The following ABLIM1 variants were observed in gnomAD, a reference collection of about 807,000 sequenced individuals.
The protein encoded by ABLIM1 is actin-binding LIM protein 1.
In ABLIM1, 40 loss-of-function variants were observed where a neutral mutation model predicts 107.0. The ratio of observed to expected loss-of-function variants is 0.37; its 90% CI spans 0.29 to 0.49. The LOEUF (loss-of-function observed/expected upper bound fraction) is 0.49. Among genes scored for constraint, ABLIM1 ranks in the 20% least tolerant of loss-of-function variants. The pLI, the probability that ABLIM1 is intolerant of heterozygous loss-of-function variation, is 0.97. For missense variants in ABLIM1, 857 were observed against 1,008.5 expected (o/e 0.85, Z 2.04); for synonymous variants, 357 against 357.3 (o/e 1.00, Z 0.01).
At chr10:114,722,317 G>C (rs1176875667) in intron 1 of ABLIM1, among the ~76,000 whole-genome samples, 2 of 152,074 alleles carry the variant, frequency 1.3e-5, no homozygotes, top group Non-Finnish European at 2.9e-5. Flanking sequence ...AGAAGGGGGA[G>C]GTGCTGCACA....
chr10:114,606,862 G>A (rs996117033), intron 1 of ABLIM1, among the ~76,000 whole-genome samples: 9 of 152,198 alleles, frequency 5.9e-5, no homozygotes, highest in Non-Finnish European at 1.3e-4. Context: ...GTCACCTAGT[G>A]CAGTGACTTC....
chr10:114,488,781 C>A (rs1356690738), intron 7 of ABLIM1, among the ~76,000 whole-genome samples: 3 of 152,122 alleles, frequency 2.0e-5, no homozygotes, highest in African/African-American at 7.2e-5. Context: ...GAATCCAATG[C>A]CTGCTCATAT....
At chr10:114,694,908 C>A (rs1320877320) in intron 1 of ABLIM1, among the ~76,000 whole-genome samples, 1 of 152,108 alleles carries the variant, frequency 6.6e-6, no homozygotes, top group African/African-American at 2.4e-5. Flanking sequence ...GACATTGAGC[C>A]GCAGCAGCGC....
At chr10:114,574,147 A>C (rs992843609) in intron 3 of ABLIM1, among the ~76,000 whole-genome samples, 12 of 152,208 alleles carry the variant, frequency 7.9e-5, no homozygotes, top group African/African-American at 2.7e-4. Context: ...TCTGGCTTAG[A>C]AACATACAAT....
At chr10:114,499,660 C>G (rs190206449) in intron 6 of ABLIM1, among the ~76,000 whole-genome samples, 9 of 152,234 alleles carry the variant, frequency 5.9e-5, no homozygotes. Flanking sequence ...TGCAGATCAC[C>G]ATGAGATGGG....
At chr10:114,608,805 A>G (rs1212609111) in intron 1 of ABLIM1, among the ~76,000 whole-genome samples, 1 of 152,010 alleles carries the variant, frequency 6.6e-6, no homozygotes, top group African/African-American at 2.4e-5. Context: ...AACTGAGGTC[A>G]GGAGTTCCAG....
intron 1 of ABLIM1, among the ~76,000 whole-genome samples, chr10:114,663,662 A>G (rs1240473337): frequency 6.6e-6 from 1 of 152,240 alleles, no homozygotes; most frequent in Non-Finnish European, 1.5e-5. Context: ...AGCATAGCTA[A>G]GTGCCACTGA....
chr10:114,439,479 C>A (rs1300756047), intron 20 of ABLIM1: 1 of 598,090 alleles, frequency 1.7e-6, no homozygotes, highest in Non-Finnish European at 3.0e-6. Context: ...TGGTTATGGA[C>A]AAATTCCTGA....
At chr10:114,573,020 A>C (rs985231758) in intron 3 of ABLIM1, among the ~76,000 whole-genome samples, 1 of 152,186 alleles carries the variant, frequency 6.6e-6, no homozygotes, top group East Asian at 1.9e-4. Flanking sequence ...CAAGTCCCAC[A>C]CGAATCCTCT....
intron 2 of ABLIM1, among the ~76,000 whole-genome samples, chr10:114,585,903 G>A (rs982076399): frequency 1.3e-5 from 2 of 152,078 alleles, no homozygotes; most frequent in Non-Finnish European, 2.9e-5. Flanking sequence ...TCCTCGTCTC[G>A]ACTGCAAGCT....
At chr10:114,753,131 T>TATAGAA (rs1190296513) in intron 1 of ABLIM1, among the ~76,000 whole-genome samples, 2 of 152,160 alleles carry the variant, frequency 1.3e-5, no homozygotes, top group East Asian at 3.9e-4. Flanking sequence ...TTTTCTCTGG[T>TATAGAA]ATAGAAATGG....
chr10:114,741,368 G>A (rs937964965), intron 1 of ABLIM1, among the ~76,000 whole-genome samples: 2 of 151,628 alleles, frequency 1.3e-5, no homozygotes, highest in Non-Finnish European at 2.9e-5. Flanking sequence ...TGGGACTATG[G>A]ACGCCTGCCA....
At chr10:114,574,313 G>A (rs2072151444) in intron 3 of ABLIM1, among the ~76,000 whole-genome samples, 1 of 152,054 alleles carries the variant, frequency 6.6e-6, no homozygotes, top group African/African-American at 2.4e-5. Context: ...CTAGTTACAG[G>A]AATCAAACCT....
chr10:114,441,857 G>A, intron 17 of ABLIM1, 71 bp from the exon 18 acceptor site: 3 of 1,374,902 alleles, frequency 2.2e-6, no homozygotes, highest in Non-Finnish European at 3.1e-6. Flanking sequence ...GAAATTGGCA[G>A]TATCTTCTAC....
At chr10:114,524,581 A>AAAC (rs922761691) in intron 6 of ABLIM1, among the ~76,000 whole-genome samples, 1 of 152,124 alleles carries the variant, frequency 6.6e-6, no homozygotes, top group South Asian at 2.1e-4. Context: ...ACAAACAAAC[A>AAAC]AACAACAACA....
At chr10:114,659,344 G>C (rs986879543), upstream of ABLIM1, among the ~76,000 whole-genome samples, 458 of 130,570 alleles carry the variant, frequency 3.5e-3, 3 homozygotes, top group African/African-American at 0.013. Context: ...TGTCTCTACA[G>C]AAAAAAAAAA....
chr10:114,772,303 A>T (rs1429325808), upstream of ABLIM1, among the ~76,000 whole-genome samples: 1 of 152,058 alleles, frequency 6.6e-6, no homozygotes, highest in African/African-American at 2.4e-5. Context: ...CTTTTTAAAT[A>T]CTTCTTTTTT....
intron 1 of ABLIM1, among the ~76,000 whole-genome samples, chr10:114,726,797 A>G (rs2081970119): frequency 6.6e-6 from 1 of 151,820 alleles, no homozygotes; most frequent in African/African-American, 2.4e-5. Context: ...ACACACAAAA[A>G]AAGAACAGCA....
chr10:114,558,118 C>T (rs185379205), intron 4 of ABLIM1, among the ~76,000 whole-genome samples: 252 of 152,276 alleles, frequency 1.7e-3, no homozygotes, highest in Non-Finnish European at 2.5e-3. Context: ...TTCTGTGCAG[C>T]GAGCAGCGGG....
Sources: gnomAD v4.1 joint callset for allele counts (sites outside exome capture counted in the v4.1 genomes callset) on GRCh38, gnomAD v4.1.1 for gene constraint, MANE v1.5 for transcripts, NCBI Gene and HGNC (gene_info 2026-07-23, HGNC 2026-07-21) for gene names.